LPCAT3: variants seen among roughly 807,000 people sequenced by gnomAD.
LPCAT3 encodes the protein lysophospholipid acyltransferase 5.
LPCAT3 carries 21 observed loss-of-function variants against 63.4 expected under a neutral mutation model. The observed-to-expected ratio is 0.33, with a 90% CI of 0.23 to 0.48. The LOEUF is 0.48. Ranked by LOEUF, LPCAT3 falls within the 20% of genes least tolerant of loss-of-function variation. The pLI is 0.99. For synonymous variants in LPCAT3, 242 were observed against 227.5 expected, an observed-to-expected ratio of 1.06 and a Z score of -0.58; for missense variants, 451 against 590.6, an observed-to-expected ratio of 0.76 and a Z score of 2.45.
At chr12:6,995,187 T>C (rs1946626354) in intron 1 of LPCAT3, among the ~76,000 whole-genome samples, 1 of 151,978 alleles carries the variant, frequency 6.6e-6, no homozygotes, top group Admixed American at 6.6e-5. Flanking sequence ...AAAAGTGTGT[T>C]TTCCTGCCAG....
chr12:7,014,817 T>C (rs1199766326), intron 1 of LPCAT3, among the ~76,000 whole-genome samples: 3 of 142,638 alleles, frequency 2.1e-5, no homozygotes, highest in Non-Finnish European at 4.5e-5. Context: ...TGCTTGAACC[T>C]GGGAGGCGGA....
At position 6,979,366 on chromosome 12, in the gene LPCAT3, C is replaced by G. The variant is rs782449389; in HGVS notation, c.786+105G>C. 4 of 833,214 alleles carry G rather than the reference C, an allele frequency of 4.8e-6. No individual in the cohort carries two copies. The South Asian group carries it at 6.3e-5, about 13-fold the overall frequency. The allele number at this position is 833,214 out of a possible 1,614,324, so 51.6% of individuals were successfully genotyped here. A position where few individuals can be genotyped will look rare whatever the true frequency, so the allele number is the denominator to read the frequency against. On this transcript the variant is annotated intron_variant, in intron 7 of 12. Coordinates refer to ENST00000261407, the MANE Select transcript of LPCAT3 (RefSeq NM_005768.6). ...AGATCTAGAGCAAAACCAACATGCA[C>G]TTGTAGATGATATTTCCTACTTCTC...
At chr12:6,981,483 G>T in intron 5 of LPCAT3, 112 bp downstream of exon 5, 1 of 1,049,796 alleles carries the variant, frequency 9.5e-7, no homozygotes, top group Non-Finnish European at 1.5e-6. Context: ...TGCACAGGCT[G>T]GGGAATGAGG....
At chr12:6,981,777 C>A (rs1226376457) in intron 4 of LPCAT3, 34 bp downstream of exon 4, 1 of 1,556,434 alleles carries the variant, frequency 6.4e-7, no homozygotes, top group Non-Finnish European at 8.9e-7. Flanking sequence ...GAGGGACCTA[C>A]ATGTAAGGAA....
intron 1 of LPCAT3, among the ~76,000 whole-genome samples, chr12:7,012,407 CT>C (rs1946769079): frequency 6.6e-6 from 1 of 152,040 alleles, no homozygotes; most frequent in Non-Finnish European, 1.5e-5. Context: ...GTAGGGCTGA[CT>C]TTCCTATCTG....
At chr12:6,983,150 C>A in intron 2 of LPCAT3, 1 of 471,172 alleles carries the variant, frequency 2.1e-6, no homozygotes, top group South Asian at 1.9e-5. Flanking sequence ...GACTGCTTGG[C>A]TCGGTCATTC....
At chr12:7,011,422 G>A (rs930446362) in intron 1 of LPCAT3, among the ~76,000 whole-genome samples, 1 of 152,078 alleles carries the variant, frequency 6.6e-6, no homozygotes, top group African/African-American at 2.4e-5. Context: ...GAGGCTGGTG[G>A]ATTGCTTGAG....
In LPCAT3 at chr12:7,018,044, C is replaced by T. The variant is rs1375320579; in HGVS notation, c.151+230G>A. ...GGGGCCCGACTGAGAGGCCAGAGGG[C>T]ATGGCAGGGGTTGAAGAGAAAGATG... On this transcript the variant is annotated intron_variant, in intron 1 of 12. Transcript: ENST00000261407. The surrounding 1 kb of genome is among the most constrained non-coding windows in gnomAD (Gnocchi z 4.9). Among the ~76,000 whole-genome samples the T allele has an allele frequency of 1.3e-5, 2 of 152,076 alleles. No individual in the cohort carries two copies. Among genetic ancestry groups the T allele is most frequent in the Non-Finnish European group, 1.5e-5 (1 of 68,012 alleles).
intron 1 of LPCAT3, among the ~76,000 whole-genome samples, chr12:6,992,868 G>A (rs773418223): frequency 6.6e-6 from 1 of 152,162 alleles, no homozygotes; most frequent in African/African-American, 2.4e-5. Flanking sequence ...AGTATTGCAT[G>A]TAACCTATGC....
chr12:7,007,170 A>C (rs1174716901), intron 1 of LPCAT3, among the ~76,000 whole-genome samples: 1 of 151,364 alleles, frequency 6.6e-6, no homozygotes, highest in Admixed American at 6.6e-5. Context: ...CAGCCTCCCA[A>C]GTTGCTGGGA....
chr12:6,977,620 A>G lies in LPCAT3; in HGVS notation c.1166T>C (p.Leu389Pro). 1 of 1,614,182 alleles carries G rather than the reference A, an allele frequency of 6.2e-7. No individual in the cohort carries two copies. Among genetic ancestry groups the G allele is most frequent in the Non-Finnish European group, 8.5e-7 (1 of 1,180,034 alleles). The stretch of plus-strand genomic sequence containing the variant: ...TACCTGTCTTTCCACAATAACAATG[A>G]GGAATTCCATCTGGAAGCAGACCAG... The part of the protein sequence containing the change: ...GYLVCFQMEF[L>P]IVIVERQAAR... Residue 389 changes from leucine (L) to proline (P), a missense_variant, in exon 10 of 13, where the codon CTC (leucine) becomes CCC (proline). Transcript: ENST00000261407. This position sits in a 1 kb window ranked among gnomAD's most constrained non-coding sequence, Gnocchi z 4.5.
chr12:6,992,611 C>G (rs1336937079), intron 1 of LPCAT3, among the ~76,000 whole-genome samples: 1 of 152,236 alleles, frequency 6.6e-6, no homozygotes, highest in Non-Finnish European at 1.5e-5. Context: ...TAGGAGTAGT[C>G]TATGGACTGC....
intron 1 of LPCAT3, among the ~76,000 whole-genome samples, chr12:6,984,211 A>C (rs1447449573): frequency 6.6e-6 from 1 of 152,258 alleles, no homozygotes; most frequent in Non-Finnish European, 1.5e-5. Flanking sequence ...AAATCCATTT[A>C]AGTATACTAA....
At chr12:7,006,449 C>T (rs782247817) in intron 1 of LPCAT3, among the ~76,000 whole-genome samples, 3 of 152,176 alleles carry the variant, frequency 2.0e-5, no homozygotes, top group Non-Finnish European at 4.4e-5. Context: ...CAACTCCTGA[C>T]CTCAAATGAT....
rs782250410 is a variant in LPCAT3 at position 6,981,845 on chromosome 12, T to G, written c.426A>C (p.Thr142=). The G allele has an allele frequency of 6.2e-7, 1 of 1,614,082 alleles. No individual in the cohort carries two copies. Among genetic ancestry groups the G allele is most frequent in the Non-Finnish European group, 8.5e-7 (1 of 1,179,914 alleles). The part of the protein sequence containing the change: ...TATGNYDIKW[T]MPHCVLTLKL... ...TCAAAGTCAGAACACAATGTGGCATTGTCCACTTGATATCGTAGTTGCCGG... is the reference window on the plus strand; with the variant it reads ...TCAAAGTCAGAACACAATGTGGCATGGTCCACTTGATATCGTAGTTGCCGG... Residue 142 remains threonine (T), a synonymous_variant, in exon 4 of 13, where the codon ACA becomes ACC. Transcript: ENST00000261407.
chr12:7,016,357 A>G (rs1322876569), intron 1 of LPCAT3, among the ~76,000 whole-genome samples: 4 of 151,640 alleles, frequency 2.6e-5, no homozygotes, highest in South Asian at 2.1e-4. Context: ...GCTCACTACA[A>G]CCTTCACCTC....
chr12:6,994,702 G>A (rs969770181), intron 1 of LPCAT3, among the ~76,000 whole-genome samples: 17 of 152,188 alleles, frequency 1.1e-4, no homozygotes, highest in Admixed American at 1.0e-3. Flanking sequence ...CAATCTGCCC[G>A]CCTTGGCCTC....
chr12:6,990,916 C>CAAAAA (rs59031613), intron 1 of LPCAT3, among the ~76,000 whole-genome samples: 4 of 68,146 alleles, frequency 5.9e-5, no homozygotes, highest in African/African-American at 7.6e-5. Flanking sequence ...GACTCCAAAT[C>CAAAAA]AAAAAAAAAA....
chr12:7,005,164 G>A (rs976037879), intron 1 of LPCAT3, among the ~76,000 whole-genome samples: 6 of 152,102 alleles, frequency 3.9e-5, no homozygotes, highest in Non-Finnish European at 8.8e-5. Context: ...GCTTATTCTG[G>A]GTATTTCATA....
Sources: allele counts gnomAD v4.1 joint callset (sites outside exome capture counted in the v4.1 genomes callset), GRCh38; gene constraint gnomAD v4.1.1; non-coding constraint Gnocchi (gnomAD v3.1); transcripts MANE v1.5; gene names NCBI Gene and HGNC (gene_info 2026-07-23, HGNC 2026-07-21).